The following RSU1 variants were observed in gnomAD, a reference collection of about 807,000 sequenced individuals.
RSU1 encodes rsu-1.
Under a neutral mutation model 31.1 loss-of-function variants are expected in RSU1, and 26 were observed. That is an observed-to-expected ratio of 0.84 (90% CI 0.61 to 1.16). RSU1 has a LOEUF of 1.16. Among genes scored for constraint, RSU1 ranks in the 50% most tolerant of loss-of-function variants. The pLI is 0.00. For synonymous variants in RSU1, 164 were observed against 136.3 expected (o/e 1.20, Z -1.41); for missense variants, 320 against 339.1 (o/e 0.94, Z 0.44).
rs189568793 is a variant in RSU1 at position 16,645,579 on chromosome 10, G to A, written c.731+49444C>T. 3.8e-3 allele frequency among the ~76,000 whole-genome samples: 577 copies of A among 151,960 alleles called. 3 individuals are homozygous for A. The highest frequency in any genetic ancestry group is 0.012 in the African/African-American group (501 of 41,446). ...TCCCAGCACTTTGGGAAGCTGAGGC[G>A]GGCGGATCGCTTGAGCTCAGGAGTT... On this transcript the variant is annotated intron_variant, in intron 8 of 8. Coordinates refer to ENST00000345264, the MANE Select transcript of RSU1 (RefSeq NM_012425.4).
intron 8 of RSU1, among the ~76,000 whole-genome samples, chr10:16,679,969 C>T (rs1276862756): frequency 6.6e-6 from 1 of 150,742 alleles, no homozygotes; most frequent in Non-Finnish European, 1.5e-5. Flanking sequence ...GCAATCTCTC[C>T]CTCCCAGGTT....
intron 7 of RSU1, among the ~76,000 whole-genome samples, chr10:16,730,120 C>T (rs1172222844): frequency 6.6e-6 from 1 of 152,046 alleles, no homozygotes; most frequent in Non-Finnish European, 1.5e-5. Flanking sequence ...GGATGGAGGG[C>T]AAGACGGAAG....
chr10:16,615,598 AG>A (rs1328491301), intron 8 of RSU1, among the ~76,000 whole-genome samples: 19 of 152,250 alleles, frequency 1.2e-4, no homozygotes, highest in Non-Finnish European at 4.4e-5. Flanking sequence ...TCAATGCCAC[AG>A]GGCACTTATT....
rs140262381 is a variant in RSU1 at position 16,691,247 on chromosome 10, G to A, written c.731+3776C>T. Among the ~76,000 whole-genome samples, 788 of 152,232 alleles carry A rather than the reference G, an allele frequency of 5.2e-3. 4 individuals carry two copies. The highest frequency in any genetic ancestry group is 8.4e-3 in the Non-Finnish European group (571 of 68,018). On this transcript the variant is annotated intron_variant, in intron 8 of 8. Coordinates refer to ENST00000345264, the MANE Select transcript of RSU1 (RefSeq NM_012425.4). ...TTATGAAATGGCTGCTTCACACAAA[G>A]AGTTGAGTTGGGTTCTAATTGTATG... is the stretch of plus-strand genomic sequence containing the variant.
chr10:16,653,769 T>C (rs929991385), intron 8 of RSU1, among the ~76,000 whole-genome samples: 2 of 152,122 alleles, frequency 1.3e-5, no homozygotes, highest in African/African-American at 4.8e-5. Context: ...AAGAGCATAC[T>C]ACCTGTGCAT....
chr10:16,624,982 T>A (rs1834130730), intron 8 of RSU1, among the ~76,000 whole-genome samples: 1 of 152,174 alleles, frequency 6.6e-6, no homozygotes, highest in African/African-American at 2.4e-5. Flanking sequence ...CTTTCCACCA[T>A]GCCAAGTGGG....
In RSU1 at chr10:16,769,206, A is replaced by G. The variant is rs186364703; in HGVS notation, c.161-4696T>C. On this transcript the variant is annotated intron_variant, in intron 3 of 8. Transcript: ENST00000345264. ...TAAGGAAGATTCTGTTCTATGATCT[A>G]AAATTAATAATTCCACAACCAACAA... Among the ~76,000 whole-genome samples the G allele has an allele frequency of 3.7e-3, 563 of 152,376 alleles. 4 individuals carry two copies. The highest frequency in any genetic ancestry group is 0.013 in the African/African-American group (540 of 41,584).
At chr10:16,749,824 C>T (rs1836937802) in intron 7 of RSU1, among the ~76,000 whole-genome samples, 1 of 152,220 alleles carries the variant, frequency 6.6e-6, no homozygotes, top group African/African-American at 2.4e-5. Flanking sequence ...TCTCCGCCTG[C>T]CTTTTCGGGA....
chr10:16,733,257 G>A (rs946229922), intron 7 of RSU1, among the ~76,000 whole-genome samples: 1 of 150,438 alleles, frequency 6.6e-6, no homozygotes, highest in Admixed American at 6.7e-5. Flanking sequence ...TTGGGAGGCC[G>A]AGATGGACGG....
intron 7 of RSU1, among the ~76,000 whole-genome samples, chr10:16,723,942 TTTTA>T (rs1272891566): frequency 6.6e-6 from 1 of 152,142 alleles, no homozygotes; most frequent in Non-Finnish European, 1.5e-5. Context: ...AGACATGCCT[TTTTA>T]TTTATTTTTT....
intron 7 of RSU1, among the ~76,000 whole-genome samples, chr10:16,736,382 T>C (rs1247735257): frequency 6.6e-6 from 1 of 152,172 alleles, no homozygotes; most frequent in Non-Finnish European, 1.5e-5. Context: ...AGAGTAACGA[T>C]GTTACTAAGC....
chr10:16,790,152 GT>G (rs1837881875), intron 2 of RSU1, among the ~76,000 whole-genome samples: 1 of 152,182 alleles, frequency 6.6e-6, no homozygotes, highest in South Asian at 2.1e-4. Flanking sequence ...AAAGGAACTA[GT>G]TGGTTCAATA....
intron 7 of RSU1, among the ~76,000 whole-genome samples, chr10:16,719,789 C>T (rs1339648551): frequency 6.6e-6 from 1 of 152,192 alleles, no homozygotes; most frequent in African/African-American, 2.4e-5. Flanking sequence ...TGGCCACATC[C>T]CACCGTTTCC....
intron 8 of RSU1, among the ~76,000 whole-genome samples, chr10:16,608,046 G>A (rs569233172): frequency 1.8e-4 from 27 of 152,286 alleles, no homozygotes; most frequent in African/African-American, 6.3e-4. Flanking sequence ...TCCCACGCTA[G>A]TCTTGAACTC....
At chr10:16,701,501 C>T (rs1480077535) in intron 7 of RSU1, among the ~76,000 whole-genome samples, 1 of 152,174 alleles carries the variant, frequency 6.6e-6, no homozygotes, top group African/African-American at 2.4e-5. Context: ...TCCAGCAACA[C>T]ATTTTTAAAA....
At chr10:16,657,507 CCATAA>C (rs781016654) in intron 8 of RSU1, among the ~76,000 whole-genome samples, 3 of 147,180 alleles carry the variant, frequency 2.0e-5, no homozygotes, top group Non-Finnish European at 3.0e-5. Flanking sequence ...TTTAATATTA[CCATAA>C]CATCTCAATC....
Position 16,645,985 on chromosome 10 carries a change from CATATATGTGTAT to C in RSU1, c.731+49026_731+49037del, listed in dbSNP as rs1564298496. Among the ~76,000 whole-genome samples the C allele has an allele frequency of 6.5e-4, 47 of 72,550 alleles. 5 individuals are homozygous for C. The highest frequency in any genetic ancestry group is 7.7e-4 in the Non-Finnish European group (31 of 40,084). The allele number at this position is 72,550 out of a possible 152,430, so 47.6% of individuals were successfully genotyped here. A position where few individuals can be genotyped will look rare whatever the true frequency, so the allele number is the denominator to read the frequency against. On this transcript the variant is annotated intron_variant, in intron 8 of 8. Coordinates refer to ENST00000345264, the MANE Select transcript of RSU1 (RefSeq NM_012425.4). The stretch of plus-strand genomic sequence containing the variant: ...ATATGTGTATATATATGTGTATATA[CATATATGTGTAT>C]ATATATGTGTATATACATATATGTG...
At chr10:16,747,576 T>A (rs1389394931) in intron 7 of RSU1, among the ~76,000 whole-genome samples, 3 of 152,178 alleles carry the variant, frequency 2.0e-5, no homozygotes, top group Non-Finnish European at 2.9e-5. Flanking sequence ...AGATCCAGTA[T>A]CCGACCATTA....
intron 7 of RSU1, among the ~76,000 whole-genome samples, chr10:16,709,459 T>C (rs1008759121): frequency 8.5e-5 from 13 of 152,176 alleles, no homozygotes; most frequent in African/African-American, 3.1e-4. Context: ...TAAACATACG[T>C]GTGCATGTGT....
Sources: gnomAD v4.1 joint callset for allele counts (sites outside exome capture counted in the v4.1 genomes callset) on GRCh38, gnomAD v4.1.1 for gene constraint, MANE v1.5 for transcripts, NCBI Gene and HGNC (gene_info 2026-07-23, HGNC 2026-07-21) for gene names.